PDZD2: variants seen among roughly 807,000 people sequenced by gnomAD.
PDZD2 encodes PDZ domain containing 2.
PDZD2 carries 90 observed loss-of-function variants against 220.7 expected under a neutral mutation model. The ratio of observed to expected loss-of-function variants is 0.41; its 90% confidence interval spans 0.34 to 0.49. The LOEUF (loss-of-function observed/expected upper bound fraction) is 0.49, where lower values mean the gene tolerates loss of function less well. PDZD2 is among the 20% of genes least tolerant of loss of function. The probability of loss-of-function intolerance (pLI) is 0.28; values close to 1 mark genes in which losing one functional copy is unlikely to be tolerated. For missense variants in PDZD2, 3,174 were observed against 3,608.5 expected (o/e 0.88, Z 3.08); for synonymous variants, 1,375 against 1,450.5 (o/e 0.95, Z 1.18).
chr5:31,999,581 T>C (rs1235168138), intron 4 of PDZD2, among the ~76,000 whole-genome samples: 1 of 152,188 alleles, frequency 6.6e-6, no homozygotes, highest in Non-Finnish European at 1.5e-5. Context: ...TGAGAGACTT[T>C]ACCCTCTGGG....
intron 1 of PDZD2, chr5:31,754,263 C>T (rs1416748332): frequency 1.3e-5 from 2 of 152,234 alleles, no homozygotes; most frequent in Non-Finnish European, 2.9e-5. Context: ...CCTGTGCACC[C>T]CCACCCCATC....
intron 1 of PDZD2, among the ~76,000 whole-genome samples, chr5:31,762,454 CT>C (rs1751708351): frequency 6.6e-6 from 1 of 152,168 alleles, no homozygotes; most frequent in Non-Finnish European, 1.5e-5. Context: ...CGCTCGCCTA[CT>C]TTTTGTATTT....
chr5:31,926,937 A>G (rs535018413), intron 2 of PDZD2, among the ~76,000 whole-genome samples: 1 of 152,370 alleles, frequency 6.6e-6, no homozygotes, highest in African/African-American at 2.4e-5. Flanking sequence ...ACGCGGCTGG[A>G]GGCCATCATC....
chr5:31,679,283 G>A (rs928839474), intron 1 of PDZD2, among the ~76,000 whole-genome samples: 9 of 152,354 alleles, frequency 5.9e-5, no homozygotes, highest in East Asian at 3.9e-4. Context: ...ATATTCTTTC[G>A]CTTTTGCGAA....
intron 14 of PDZD2, among the ~76,000 whole-genome samples, chr5:32,061,933 C>G (rs1739727524): frequency 6.6e-6 from 1 of 152,096 alleles, no homozygotes; most frequent in Non-Finnish European, 1.5e-5. Context: ...TTTCAGTTTA[C>G]TTTAAAAATA....
Position 32,090,451 on chromosome 5 carries a change from G to A in PDZD2, c.7003G>A (p.Val2335Met), listed in dbSNP as rs1743002323. Residue 2335 changes from valine (V) to methionine (M), a missense_variant, in exon 20 of 25, where the codon GTG (valine) becomes ATG (methionine). By Grantham distance (21) the Val-to-Met change is conservative. Transcript: ENST00000438447. The surrounding 1 kb of genome is among the most constrained non-coding windows in gnomAD (Gnocchi z 4.3). ...WPHESTSFFS[V>M]KQRIKSFENL... ...CCATGAATCTACCTCATTTTTCTCT[G>A]TGAAGCAGCGGATCAAGTCTTTTGA... The A allele has an allele frequency of 6.2e-7, 1 of 1,614,086 alleles. No homozygotes were observed. The highest frequency in any genetic ancestry group is 8.5e-7 in the Non-Finnish European group (1 of 1,180,020).
chr5:32,015,011 G>C (rs189941506), intron 6 of PDZD2, among the ~76,000 whole-genome samples: 1 of 142,248 alleles, frequency 7.0e-6, no homozygotes, highest in Non-Finnish European at 1.5e-5. Flanking sequence ...GCGCAATCTC[G>C]GTTCACTGCA....
intron 2 of PDZD2, among the ~76,000 whole-genome samples, chr5:31,819,656 CA>C (rs3032832): frequency 0.024 from 2,606 of 110,420 alleles, 25 homozygotes; most frequent in Non-Finnish European, 0.034. Context: ...GACTCTGTCT[CA>C]AAAAAAAAAA....
chr5:31,850,062 A>G (rs1414994071), intron 2 of PDZD2, among the ~76,000 whole-genome samples: 2 of 138,626 alleles, frequency 1.4e-5, no homozygotes, highest in East Asian at 2.2e-4. Flanking sequence ...GTGTATATAT[A>G]AGTATATATA....
chr5:31,714,637 T>A (rs930836444), intron 1 of PDZD2, among the ~76,000 whole-genome samples: 1 of 152,200 alleles, frequency 6.6e-6, no homozygotes, highest in Admixed American at 6.5e-5. Flanking sequence ...ACTGAGAAAG[T>A]GGATTTGGCA....
chr5:31,860,726 C>T (rs556631718), intron 2 of PDZD2, among the ~76,000 whole-genome samples: 28 of 152,272 alleles, frequency 1.8e-4, no homozygotes, highest in African/African-American at 6.3e-4. Flanking sequence ...GGCATGGTAG[C>T]GTCTTCTTCA....
intron 1 of PDZD2, among the ~76,000 whole-genome samples, chr5:31,781,309 G>A (rs1173868014): frequency 6.6e-6 from 1 of 152,220 alleles, no homozygotes; most frequent in African/African-American, 2.4e-5. Context: ...AGCTACTCAT[G>A]AGGCTGAGGC....
chr5:32,060,616 C>T (rs1739581760), intron 13 of PDZD2, among the ~76,000 whole-genome samples: 1 of 152,174 alleles, frequency 6.6e-6, no homozygotes, highest in African/African-American at 2.4e-5. Context: ...TGGGTGACCC[C>T]TCTGAGCCTG....
intron 2 of PDZD2, among the ~76,000 whole-genome samples, chr5:31,819,991 G>A (rs2042962): frequency 0.58 from 88,535 of 152,108 alleles, 26,125 homozygotes; most frequent in Non-Finnish European, 0.61. Context: ...GATGATGACA[G>A]TGAAGGAGGA....
intron 24 of PDZD2, among the ~76,000 whole-genome samples, 183 bp from the exon 25 acceptor site, chr5:32,107,786 C>T (rs1744934301): frequency 6.6e-6 from 1 of 152,108 alleles, no homozygotes; most frequent in African/African-American, 2.4e-5. Context: ...GCTAGAGTTG[C>T]ACTGTTTTCT....
intron 1 of PDZD2, among the ~76,000 whole-genome samples, chr5:31,719,268 T>C (rs2150145838): frequency 1.3e-5 from 2 of 152,332 alleles, no homozygotes; most frequent in South Asian, 4.1e-4. Flanking sequence ...GGAGCAACTT[T>C]ACTAGCGGAA....
At chr5:31,915,807 C>G (rs558927158) in intron 2 of PDZD2, among the ~76,000 whole-genome samples, 2 of 152,294 alleles carry the variant, frequency 1.3e-5, no homozygotes, top group East Asian at 3.9e-4. Flanking sequence ...TATCTGAGCC[C>G]AGTCTTGATT....
chr5:31,728,134 TG>T (rs1254203881), intron 1 of PDZD2, among the ~76,000 whole-genome samples: 1 of 152,114 alleles, frequency 6.6e-6, no homozygotes, highest in Admixed American at 6.6e-5. Flanking sequence ...ATTGACATTT[TG>T]GGTGGGGTGA....
At chr5:32,033,417 G>A (rs1415627899) in intron 6 of PDZD2, among the ~76,000 whole-genome samples, 3 of 152,182 alleles carry the variant, frequency 2.0e-5, no homozygotes, top group South Asian at 2.1e-4. Context: ...CAAACTCAAC[G>A]AAAAAACAGT....
Sources: gnomAD v4.1 joint callset for allele counts (sites outside exome capture counted in the v4.1 genomes callset) on GRCh38, gnomAD v4.1.1 for gene constraint, Gnocchi (gnomAD v3.1) non-coding constraint, MANE v1.5 for transcripts, NCBI Gene and HGNC (gene_info 2026-07-23, HGNC 2026-07-21) for gene names.